The following SEPTIN9 variants were observed in gnomAD, a reference collection of about 807,000 sequenced individuals.
SEPTIN9 encodes septin 9.
Under a neutral mutation model 56.6 loss-of-function variants are expected in SEPTIN9, and 13 were observed. The observed-to-expected ratio is 0.23, with a 90% confidence interval of 0.15 to 0.37. The LOEUF is 0.37. SEPTIN9 is among the 10% of genes least tolerant of loss of function. The probability of loss-of-function intolerance (pLI) is 1.00; values close to 1 mark genes in which losing one functional copy is unlikely to be tolerated. For synonymous variants in SEPTIN9, 332 were observed against 334.1 expected (o/e 0.99, Z 0.07); for missense variants, 650 against 823.1 (o/e 0.79, Z 2.57).
chr17:77,458,142 C>T (rs1228594853), intron 3 of SEPTIN9, among the ~76,000 whole-genome samples: 2 of 152,200 alleles, frequency 1.3e-5, no homozygotes, highest in Non-Finnish European at 2.9e-5. Flanking sequence ...ATGTTTCAAG[C>T]TTCCAGCAGA....
At chr17:77,444,994 C>T in intron 3 of SEPTIN9, 1 of 370,296 alleles carries the variant, frequency 2.7e-6, no homozygotes, top group Non-Finnish European at 5.6e-6. Flanking sequence ...TGAGAAGAAA[C>T]CAGAAGAGGA....
At chr17:77,495,619 G>A (rs1024910374) in intron 10 of SEPTIN9, among the ~76,000 whole-genome samples, 7 of 152,250 alleles carry the variant, frequency 4.6e-5, no homozygotes, top group Non-Finnish European at 1.0e-4. Flanking sequence ...CCGAGCCAGG[G>A]AGTGGCGATC....
chr17:77,381,661 T>C (rs570328163), intron 2 of SEPTIN9, among the ~76,000 whole-genome samples: 3 of 152,236 alleles, frequency 2.0e-5, no homozygotes, highest in Non-Finnish European at 4.4e-5. Context: ...GTATGTTTGC[T>C]GGGGTTGGGT....
intron 3 of SEPTIN9, among the ~76,000 whole-genome samples, chr17:77,413,529 A>G (rs985828005): frequency 6.6e-6 from 1 of 152,230 alleles, no homozygotes; most frequent in Non-Finnish European, 1.5e-5. Context: ...GTGTGCAAAC[A>G]TGACTGACTG....
intron 1 of SEPTIN9, among the ~76,000 whole-genome samples, chr17:77,295,264 A>G (rs2031757724): frequency 6.6e-6 from 1 of 152,028 alleles, no homozygotes; most frequent in Non-Finnish European, 1.5e-5. Flanking sequence ...AGGTAGAGGG[A>G]GGGTTCTTAG....
chr17:77,426,804 A>C (rs2036932353), intron 3 of SEPTIN9, among the ~76,000 whole-genome samples: 1 of 152,178 alleles, frequency 6.6e-6, no homozygotes. Flanking sequence ...CTGGGAGGGC[A>C]GGGGACACTG....
At chr17:77,349,314 A>G (rs576830460) in intron 2 of SEPTIN9, among the ~76,000 whole-genome samples, 1 of 152,210 alleles carries the variant, frequency 6.6e-6, no homozygotes, top group Admixed American at 6.5e-5. Flanking sequence ...ATGGGATTTC[A>G]CCATGATGGC....
chr17:77,344,887 G>A (rs9903983), intron 2 of SEPTIN9, among the ~76,000 whole-genome samples: 22,854 of 147,656 alleles, frequency 0.15, 2,431 homozygotes, highest in African/African-American at 0.3. Context: ...CAGGAGAATC[G>A]CTTGAACTAG....
At chr17:77,298,032 G>A (rs1205736009) in intron 1 of SEPTIN9, among the ~76,000 whole-genome samples, 1 of 152,172 alleles carries the variant, frequency 6.6e-6, no homozygotes, top group Non-Finnish European at 1.5e-5. Flanking sequence ...CGAGGAGGAG[G>A]AGGGAGACGC....
At chr17:77,283,692 G>A (rs888283109) in intron 1 of SEPTIN9, among the ~76,000 whole-genome samples, 1 of 152,204 alleles carries the variant, frequency 6.6e-6, no homozygotes, top group Non-Finnish European at 1.5e-5. Flanking sequence ...TGACCATAAT[G>A]TTGTTCCCGG....
intron 3 of SEPTIN9, chr17:77,446,018 C>G (rs903344136): frequency 1.8e-5 from 3 of 167,890 alleles, no homozygotes; most frequent in Non-Finnish European, 4.4e-5. Context: ...TCCTGTCCCG[C>G]TCACTGGCTG....
chr17:77,333,304 G>A (rs2033430728), intron 2 of SEPTIN9, among the ~76,000 whole-genome samples: 1 of 152,152 alleles, frequency 6.6e-6, no homozygotes, highest in Non-Finnish European at 1.5e-5. Context: ...TTTTAAAATT[G>A]GGTTGCTTGA....
chr17:77,445,653 T>C lies in SEPTIN9; in HGVS notation c.722-36491T>C, dbSNP rs1249960792. The stretch of plus-strand genomic sequence containing the variant: ...GGGTGTCACCACACTTCCTAGCAGG[T>C]GTCAACCTCCAAGACTGTTCTGGGC... On this transcript the variant is annotated intron_variant, in intron 3 of 11. Coordinates refer to ENST00000427177, the MANE Select transcript of SEPTIN9 (RefSeq NM_001113491.2). The surrounding 1 kb of genome is among the most constrained non-coding windows in gnomAD (Gnocchi z 4.7). The C allele has an allele frequency of 1.9e-5, 7 of 360,390 alleles. No individual in the cohort carries two copies. The highest frequency in any genetic ancestry group is 5.7e-6 in the Non-Finnish European group (1 of 174,482). 22.3% of individuals were successfully genotyped at this position (360,390 alleles called of 1,614,324 possible). A position where few individuals can be genotyped will look rare whatever the true frequency, so the allele number is the denominator to read the frequency against.
At chr17:77,306,350 G>A (rs906243343) in intron 1 of SEPTIN9, among the ~76,000 whole-genome samples, 13 of 152,306 alleles carry the variant, frequency 8.5e-5, no homozygotes, top group African/African-American at 2.9e-4. Flanking sequence ...CCAGAGTGCC[G>A]TGCTCTACAG....
At chr17:77,430,797 G>T (rs1804129620) in intron 3 of SEPTIN9, among the ~76,000 whole-genome samples, 1 of 151,862 alleles carries the variant, frequency 6.6e-6, no homozygotes, top group Non-Finnish European at 1.5e-5. Flanking sequence ...TCAAGACCAG[G>T]CTGGTCAACA....
At chr17:77,406,035 C>T (rs2144118493) in intron 3 of SEPTIN9, among the ~76,000 whole-genome samples, 1 of 152,352 alleles carries the variant, frequency 6.6e-6, no homozygotes, top group South Asian at 2.1e-4. Context: ...TGCGGGAGGG[C>T]ATCTGTGCTG....
chr17:77,307,085 C>A, intron 1 of SEPTIN9, 56 bp from the exon 2 acceptor site: 1 of 1,508,208 alleles, frequency 6.6e-7, no homozygotes, highest in Non-Finnish European at 9.2e-7. Context: ...ATCATCCACC[C>A]GGAGGGAGAG....
At chr17:77,307,051 AAGGCG>A in intron 1 of SEPTIN9, 85 bp from the exon 2 acceptor site, 1 of 1,242,594 alleles carries the variant, frequency 8.0e-7, no homozygotes, top group Non-Finnish European at 1.2e-6. Flanking sequence ...AGCAGGAGCA[AAGGCG>A]AGGACATTCC....
At position 77,323,502 on chromosome 17, in the gene SEPTIN9, G is replaced by A. The variant is rs952240094; in HGVS notation, c.76+16305G>A. Among the ~76,000 whole-genome samples, 6 of 152,196 alleles carry A rather than the reference G, an allele frequency of 3.9e-5. No homozygotes were observed. Among genetic ancestry groups the A allele is most frequent in the Non-Finnish European group, 5.9e-5 (4 of 68,024 alleles). ...GCAGGGGAAGTGGCCGTCTGTGCAT[G>A]GTCATGAATGCAGGCCCGGGGTCCT... On this transcript the variant is annotated intron_variant, in intron 2 of 11. Transcript: ENST00000427177. The surrounding 1 kb of genome is among the most constrained non-coding windows in gnomAD (Gnocchi z 6.8).
Sources: allele counts gnomAD v4.1 joint callset (sites outside exome capture counted in the v4.1 genomes callset), GRCh38; gene constraint gnomAD v4.1.1; non-coding constraint Gnocchi (gnomAD v3.1); transcripts MANE v1.5; gene names NCBI Gene and HGNC (gene_info 2026-07-23, HGNC 2026-07-21).